Variants in ARFGEF1 observed in about 807,000 individuals in gnomAD.
The protein encoded by ARFGEF1 is brefeldin A-inhibited guanine nucleotide-exchange protein 1.
Under a neutral mutation model 231.0 loss-of-function variants are expected in ARFGEF1, and 42 were observed. The observed-to-expected ratio is 0.18, with a 90% confidence interval of 0.14 to 0.24. The LOEUF is 0.24. ARFGEF1 is among the 10% of genes least tolerant of loss of function. The pLI is 1.00. For synonymous variants in ARFGEF1, 710 were observed against 732.3 expected (o/e 0.97, Z 0.49); for missense variants, 1,345 against 2,192.0 (o/e 0.61, Z 7.72).
intron 22 of ARFGEF1, among the ~76,000 whole-genome samples, chr8:67,233,592 TCCTA>T (rs1478255754): frequency 6.6e-6 from 1 of 152,010 alleles, no homozygotes; most frequent in Non-Finnish European, 1.5e-5. Context: ...TCATTTCCAT[TCCTA>T]CCTAGTTCTG....
intron 7 of ARFGEF1, among the ~76,000 whole-genome samples, chr8:67,278,884 C>T (rs964063974): frequency 3.3e-5 from 5 of 152,120 alleles, no homozygotes; most frequent in African/African-American, 4.8e-5. Context: ...TGAAAACAGA[C>T]GCTTTCTTAA....
At chr8:67,302,571 G>C in intron 1 of ARFGEF1, 105 bp from the exon 2 acceptor site, 1 of 733,842 alleles carries the variant, frequency 1.4e-6, no homozygotes, top group Non-Finnish European at 2.1e-6. Context: ...CAAAAAGTTG[G>C]AAAGAATGCA....
intron 23 of ARFGEF1, among the ~76,000 whole-genome samples, chr8:67,229,238 G>T (rs1439267597): frequency 1.3e-5 from 2 of 152,052 alleles, no homozygotes; most frequent in African/African-American, 4.8e-5. Context: ...CACAGAACTA[G>T]TAAGTGCTAG....
downstream of ARFGEF1, chr8:67,193,435 CT>C: frequency 6.3e-7 from 1 of 1,598,808 alleles, no homozygotes. Flanking sequence ...GTGTTAATGA[CT>C]TTCTGAAGTT....
intron 23 of ARFGEF1, among the ~76,000 whole-genome samples, chr8:67,231,658 G>C (rs993490112): frequency 6.6e-6 from 1 of 152,106 alleles, no homozygotes; most frequent in Non-Finnish European, 1.5e-5. Flanking sequence ...TAGCCCGGTA[G>C]CAGAAGGGCT....
intron 1 of ARFGEF1, among the ~76,000 whole-genome samples, chr8:67,330,948 TAAGAA>T: frequency 6.6e-6 from 1 of 152,216 alleles, no homozygotes; most frequent in Admixed American, 6.5e-5. Flanking sequence ...ATCTAATGTA[TAAGAA>T]GAGAAGGCAA....
chr8:67,202,995 G>T, intron 36 of ARFGEF1, 88 bp downstream of exon 36: 1 of 1,360,070 alleles, frequency 7.4e-7, no homozygotes, highest in Non-Finnish European at 1.0e-6. Context: ...CAGACCTATA[G>T]CAGACAGTCA....
chr8:67,250,140 C>T (rs902934335), intron 19 of ARFGEF1, among the ~76,000 whole-genome samples: 2 of 152,148 alleles, frequency 1.3e-5, no homozygotes, highest in African/African-American at 4.8e-5. Flanking sequence ...AGTCTACAGA[C>T]ACTATGGGTG....
At chr8:67,217,188 T>C (rs1022419780) in intron 32 of ARFGEF1, among the ~76,000 whole-genome samples, 6 of 151,058 alleles carry the variant, frequency 4.0e-5, no homozygotes, top group Non-Finnish European at 8.8e-5. Flanking sequence ...CCTGTAATCC[T>C]AGCTACTTGG....
intron 23 of ARFGEF1, 90 bp downstream of exon 23, chr8:67,232,765 T>G: frequency 1.1e-6 from 1 of 933,838 alleles, no homozygotes; most frequent in Non-Finnish European, 1.6e-6. Flanking sequence ...AAAATGATTT[T>G]GGCAATAATA....
intron 17 of ARFGEF1, among the ~76,000 whole-genome samples, chr8:67,256,348 C>T (rs1840453377): frequency 6.6e-6 from 1 of 152,064 alleles, no homozygotes; most frequent in South Asian, 2.1e-4. Context: ...TGCATAGTTG[C>T]TCAATATTGT....
chr8:67,250,261 G>A (rs1840238362), intron 19 of ARFGEF1, among the ~76,000 whole-genome samples: 1 of 152,188 alleles, frequency 6.6e-6, no homozygotes. Flanking sequence ...CGGGTAAGAG[G>A]AGTGAAAAAG....
At chr8:67,175,518 A>C in exon 6 of ARFGEF1, 13 of 1,509,108 alleles carry the variant, frequency 8.6e-6, no homozygotes, top group Non-Finnish European at 1.1e-5. Flanking sequence ...TATTGATTTC[A>C]TTCCCAGGCA....
intron 1 of ARFGEF1, among the ~76,000 whole-genome samples, chr8:67,309,189 T>C (rs1051284179): frequency 6.6e-6 from 1 of 152,164 alleles, no homozygotes; most frequent in African/African-American, 2.4e-5. Flanking sequence ...ATGATTTTAC[T>C]TGTATGTGGA....
chr8:67,207,771 G>C (rs998911363), intron 34 of ARFGEF1, among the ~76,000 whole-genome samples: 1 of 152,216 alleles, frequency 6.6e-6, no homozygotes, highest in Non-Finnish European at 1.5e-5. Context: ...CCAAGGAAGA[G>C]GGCTCATGGG....
At chr8:67,193,400 A>AT (rs1836967792), downstream of ARFGEF1, 5 of 1,466,412 alleles carry the variant, frequency 3.4e-6, no homozygotes, top group African/African-American at 5.6e-5. Context: ...CCTGGCCCTG[A>AT]TTCACTGATT....
At chr8:67,185,930 A>T (rs1834455416) in intron 5 of ARFGEF1, among the ~76,000 whole-genome samples, 1 of 152,186 alleles carries the variant, frequency 6.6e-6, no homozygotes, top group African/African-American at 2.4e-5. Context: ...CTAAAACACC[A>T]AAAGGACCTA....
intron 1 of ARFGEF1, 125 bp downstream of exon 1, chr8:67,343,039 C>T: frequency 1.7e-6 from 2 of 1,150,432 alleles, no homozygotes; most frequent in Non-Finnish European, 2.4e-6. Flanking sequence ...GAGGGCTCCG[C>T]GAGGGCTTCC....
intron 17 of ARFGEF1, among the ~76,000 whole-genome samples, chr8:67,256,219 C>A (rs922069699): frequency 6.6e-6 from 1 of 151,978 alleles, no homozygotes; most frequent in Non-Finnish European, 1.5e-5. Flanking sequence ...TAATAAAAGC[C>A]CTGAAGGTGA....
Sources: allele counts gnomAD v4.1 joint callset (sites outside exome capture counted in the v4.1 genomes callset), GRCh38; gene constraint gnomAD v4.1.1; transcripts MANE v1.5; gene names NCBI Gene and HGNC (gene_info 2026-07-23, HGNC 2026-07-21).